The following TTLL5 variants were observed in gnomAD, a reference collection of about 807,000 sequenced individuals.
The protein encoded by TTLL5 is tubulin polyglutamylase TTLL5.
Under a neutral mutation model 168.4 loss-of-function variants are expected in TTLL5, and 132 were observed. That is an observed-to-expected ratio of 0.78 (90% CI 0.68 to 0.91). The LOEUF is 0.91. Among genes scored for constraint, TTLL5 ranks in the 40% least tolerant of loss-of-function variants. The pLI is 0.00. For synonymous variants in TTLL5, 546 were observed against 558.6 expected, an observed-to-expected ratio of 0.98 and a Z score of 0.32; for missense variants, 1,545 against 1,581.5, an observed-to-expected ratio of 0.98 and a Z score of 0.39.
chr14:75,760,603 C>T (rs1263363682), intron 18 of TTLL5, among the ~76,000 whole-genome samples: 1 of 151,914 alleles, frequency 6.6e-6, no homozygotes, highest in Admixed American at 6.6e-5. Flanking sequence ...TATTGGCAAA[C>T]TGATCACATT....
At chr14:75,687,658 A>G (rs1426620157) in intron 5 of TTLL5, among the ~76,000 whole-genome samples, 1 of 152,200 alleles carries the variant, frequency 6.6e-6, no homozygotes, top group Admixed American at 6.5e-5. Flanking sequence ...TGGACTGGAG[A>G]AAATATTTGC....
intron 5 of TTLL5, chr14:75,683,953 T>C (rs1454395090): frequency 1.9e-5 from 5 of 267,842 alleles, no homozygotes; most frequent in Non-Finnish European, 3.7e-5. Context: ...TTTGTATCTT[T>C]GGGAGAGACG....
chr14:75,831,145 A>G (rs1566622895), intron 28 of TTLL5, among the ~76,000 whole-genome samples: 1 of 152,234 alleles, frequency 6.6e-6, no homozygotes. Flanking sequence ...CAGAAGATGT[A>G]ATAAAGACTC....
intron 31 of TTLL5, among the ~76,000 whole-genome samples, chr14:75,914,033 A>AAAAAATAT: frequency 7.0e-5 from 5 of 71,094 alleles, no homozygotes; most frequent in South Asian, 5.5e-4. Flanking sequence ...AAAAAAAAAA[A>AAAAAATAT]ATATATATAT....
intron 12 of TTLL5, among the ~76,000 whole-genome samples, chr14:75,723,934 C>T (rs1055055382): frequency 3.3e-5 from 5 of 151,918 alleles, no homozygotes; most frequent in East Asian, 1.9e-4. Flanking sequence ...ATTTTGTATA[C>T]GTGTGTATAT....
At chr14:75,826,289 A>G (rs2140427147) in intron 28 of TTLL5, among the ~76,000 whole-genome samples, 1 of 142,256 alleles carries the variant, frequency 7.0e-6, no homozygotes, top group Admixed American at 7.2e-5. Context: ...TTTCCTTAGG[A>G]TACGCGTACA....
At chr14:75,752,191 T>C (rs1889996193) in intron 17 of TTLL5, among the ~76,000 whole-genome samples, 1 of 152,202 alleles carries the variant, frequency 6.6e-6, no homozygotes, top group African/African-American at 2.4e-5. Context: ...TGTCTCATCC[T>C]GTGACTTAGA....
At chr14:75,743,951 A>G (rs1274022642) in intron 15 of TTLL5, among the ~76,000 whole-genome samples, 2 of 152,056 alleles carry the variant, frequency 1.3e-5, no homozygotes, top group African/African-American at 2.4e-5. Context: ...ATCTGACTTT[A>G]ATTACCTTCC....
At chr14:75,687,290 T>C (rs4899571) in intron 5 of TTLL5, among the ~76,000 whole-genome samples, 93 of 151,960 alleles carry the variant, frequency 6.1e-4, no homozygotes, top group Non-Finnish European at 6.6e-4. Context: ...GGTTTTTTTG[T>C]GGGGGGACAG....
chr14:75,924,186 T>C (rs1306452474), intron 31 of TTLL5, among the ~76,000 whole-genome samples: 6 of 152,084 alleles, frequency 3.9e-5, no homozygotes, highest in African/African-American at 1.4e-4. Context: ...ATTTGCCAGT[T>C]CGTGTCTTTC....
chr14:75,748,634 G>A (rs939596528), intron 17 of TTLL5, among the ~76,000 whole-genome samples: 1 of 152,200 alleles, frequency 6.6e-6, no homozygotes. Flanking sequence ...AGTGCCTTAA[G>A]ACATGTGAAT....
At chr14:75,785,445 C>T (rs1288143995) in intron 26 of TTLL5, among the ~76,000 whole-genome samples, 2 of 152,150 alleles carry the variant, frequency 1.3e-5, no homozygotes, top group South Asian at 2.1e-4. Context: ...CCCCAAAGTG[C>T]TGGGATTACA....
intron 27 of TTLL5, among the ~76,000 whole-genome samples, chr14:75,800,789 C>T (rs964445554): frequency 6.6e-5 from 10 of 152,094 alleles, no homozygotes; most frequent in Non-Finnish European, 1.2e-4. Flanking sequence ...CTGGTACTGG[C>T]AAGTTTCTGT....
intron 31 of TTLL5, among the ~76,000 whole-genome samples, chr14:75,932,241 T>C (rs2034299927): frequency 6.6e-6 from 1 of 152,240 alleles, no homozygotes; most frequent in Admixed American, 6.5e-5. Context: ...ATTCGGAGGC[T>C]ATTCTACTTC....
intron 30 of TTLL5, among the ~76,000 whole-genome samples, chr14:75,895,128 C>T (rs149172453): frequency 0.012 from 1,800 of 152,282 alleles, 33 homozygotes; most frequent in African/African-American, 0.041. Flanking sequence ...CACATGTTCT[C>T]AGGACTTCCT....
intron 28 of TTLL5, among the ~76,000 whole-genome samples, chr14:75,855,357 AACAAAAGC>A (rs1897080574): frequency 6.6e-6 from 1 of 152,224 alleles, no homozygotes; most frequent in Non-Finnish European, 1.5e-5. Context: ...CTGGAGGGTG[AACAAAAGC>A]TGATTGATAC....
chr14:75,675,851 G>A (rs1235325638), intron 3 of TTLL5, among the ~76,000 whole-genome samples: 2 of 152,090 alleles, frequency 1.3e-5, no homozygotes, highest in East Asian at 3.8e-4. Flanking sequence ...GGGGAAGGGA[G>A]GAATGAATGT....
intron 28 of TTLL5, among the ~76,000 whole-genome samples, chr14:75,822,814 T>C (rs918018877): frequency 6.6e-6 from 1 of 152,072 alleles, no homozygotes; most frequent in African/African-American, 2.4e-5. Context: ...GCGCCTCAAA[T>C]CCCTTGGTTC....
intron 7 of TTLL5, among the ~76,000 whole-genome samples, chr14:75,702,597 C>A (rs1566820141): frequency 6.6e-6 from 1 of 152,124 alleles, no homozygotes; most frequent in Non-Finnish European, 1.5e-5. Context: ...GTTAAACTTT[C>A]CTTGGTGGAG....
Sources: allele counts gnomAD v4.1 joint callset (sites outside exome capture counted in the v4.1 genomes callset), GRCh38; gene constraint gnomAD v4.1.1; transcripts MANE v1.5; gene names NCBI Gene and HGNC (gene_info 2026-07-23, HGNC 2026-07-21).